CRPPA: variants seen among roughly 807,000 people sequenced by gnomAD.
CRPPA encodes CDP-L-ribitol pyrophosphorylase A.
Under a neutral mutation model 52.0 loss-of-function variants are expected in CRPPA, and 43 were observed. The ratio of observed to expected loss-of-function variants is 0.83; its 90% CI spans 0.65 to 1.07. CRPPA has a LOEUF of 1.07. CRPPA is among the 50% of genes least tolerant of loss of function. CRPPA has a pLI of 0.00. For missense variants in CRPPA, 629 were observed against 551.7 expected, an observed-to-expected ratio of 1.14 and a Z score of -1.40; for synonymous variants, 250 against 203.5, an observed-to-expected ratio of 1.23 and a Z score of -1.94.
chr7:16,170,861 C>T (rs1002914195), intron 9 of CRPPA, among the ~76,000 whole-genome samples: 5 of 152,188 alleles, frequency 3.3e-5, no homozygotes, highest in South Asian at 2.1e-4. Flanking sequence ...GCAGCCGCTC[C>T]GAGTGTGGGG....
chr7:16,139,424 A>G (rs1026710839), intron 9 of CRPPA, among the ~76,000 whole-genome samples: 1 of 152,190 alleles, frequency 6.6e-6, no homozygotes, highest in South Asian at 2.1e-4. Flanking sequence ...TAATTCTCAT[A>G]CACATTTTAT....
intron 3 of CRPPA, among the ~76,000 whole-genome samples, chr7:16,354,943 C>T (rs1017381659): frequency 6.6e-6 from 1 of 152,046 alleles, no homozygotes; most frequent in Non-Finnish European, 1.5e-5. Flanking sequence ...TAAAGGTAGA[C>T]AATATGCTAT....
chr7:16,295,023 G>A (rs1431910288), intron 5 of CRPPA, among the ~76,000 whole-genome samples: 2 of 152,040 alleles, frequency 1.3e-5, no homozygotes, highest in African/African-American at 4.8e-5. Flanking sequence ...CTCCAACACA[G>A]TATTCCTAGT....
At chr7:16,208,050 A>G (rs1782015691) in intron 9 of CRPPA, among the ~76,000 whole-genome samples, 1 of 152,176 alleles carries the variant, frequency 6.6e-6, no homozygotes, top group Non-Finnish European at 1.5e-5. Flanking sequence ...TACTGTATGC[A>G]TCTCAACTTT....
intron 3 of CRPPA, among the ~76,000 whole-genome samples, chr7:16,356,346 A>G (rs1391470025): frequency 6.6e-6 from 1 of 152,188 alleles, no homozygotes; most frequent in Non-Finnish European, 1.5e-5. Flanking sequence ...ATAAACTCAA[A>G]GCTGTCTGAT....
At chr7:16,286,038 A>AAAAAAAAAAAAAAAT (rs1784426837) in intron 5 of CRPPA, among the ~76,000 whole-genome samples, 1 of 17,504 alleles carries the variant, frequency 5.7e-5, no homozygotes, top group African/African-American at 3.8e-4. Context: ...AAAAAAAAAA[A>AAAAAAAAAAAAAAAT]ATATAAATAT....
intron 8 of CRPPA, among the ~76,000 whole-genome samples, chr7:16,217,308 CACCA>C (rs1782356719): frequency 6.6e-6 from 1 of 151,760 alleles, no homozygotes; most frequent in Non-Finnish European, 1.5e-5. Flanking sequence ...CATCATCAAA[CACCA>C]AAAGTAGATA....
rs191202356 is a variant in CRPPA, at chr7:16,134,473, G to C, written c.1252-42674C>G. ...CTGGTCCCTGGTGACAAAAAGGTTG[G>C]GGATTGCTGGCATACAAAATATGTA... is the stretch of plus-strand genomic sequence containing the variant. On this transcript the variant is annotated intron_variant, in intron 9 of 9. Transcript: ENST00000407010. Among the ~76,000 whole-genome samples the C allele has an allele frequency of 7.9e-5, 12 of 152,222 alleles. No homozygotes were observed. The East Asian group carries it at 2.3e-3, about 29-fold the overall frequency.
intron 5 of CRPPA, among the ~76,000 whole-genome samples, chr7:16,279,952 G>A (rs147482179): frequency 1.3e-5 from 2 of 152,326 alleles, no homozygotes; most frequent in African/African-American, 4.8e-5. Context: ...ATGGCAGAAG[G>A]TGAAAGGCAC....
chr7:16,288,845 C>CAAAAAA (rs71007760), intron 5 of CRPPA, among the ~76,000 whole-genome samples: 507 of 34,788 alleles, frequency 0.015, 38 homozygotes, highest in African/African-American at 0.034. Flanking sequence ...GACTCTGCCT[C>CAAAAAA]AAAAAAAAAA....
intron 9 of CRPPA, among the ~76,000 whole-genome samples, chr7:16,103,806 G>A (rs1464846955): frequency 1.3e-5 from 2 of 152,148 alleles, no homozygotes; most frequent in South Asian, 2.1e-4. Context: ...GGGATAGAAA[G>A]CTTATCCTAG....
chr7:16,109,085 A>C (rs1415542619), intron 9 of CRPPA, among the ~76,000 whole-genome samples: 2 of 151,910 alleles, frequency 1.3e-5, no homozygotes, highest in African/African-American at 4.8e-5. Flanking sequence ...TAAAGATAAG[A>C]GCAAAAGTAA....
chr7:16,371,605 A>G (rs1431305861), intron 3 of CRPPA, among the ~76,000 whole-genome samples: 2 of 152,108 alleles, frequency 1.3e-5, no homozygotes, highest in African/African-American at 4.8e-5. Flanking sequence ...GTCTACCCAA[A>G]TAAGAAAGAA....
chr7:16,299,734 A>G (rs2128422528), intron 5 of CRPPA, among the ~76,000 whole-genome samples: 1 of 152,342 alleles, frequency 6.6e-6, no homozygotes, highest in South Asian at 2.1e-4. Flanking sequence ...TTAAATACTT[A>G]AAAAATAAAA....
At chr7:16,212,127 G>A (rs1162712939) in intron 9 of CRPPA, among the ~76,000 whole-genome samples, 1 of 152,038 alleles carries the variant, frequency 6.6e-6, no homozygotes, top group Non-Finnish European at 1.5e-5. Context: ...TAGATCTGCA[G>A]TCGTAGGAAC....
intron 9 of CRPPA, among the ~76,000 whole-genome samples, chr7:16,116,686 G>GGGAAGGGAAGGGAAAGGAAA (rs1782381778): frequency 1.3e-5 from 2 of 149,062 alleles, no homozygotes; most frequent in Admixed American, 1.3e-4. Context: ...GGAAAGGAAA[G>GGGAAGGGAAGGGAAAGGAAA]GGAAGGGAAA....
chr7:16,376,061 A>C, intron 3 of CRPPA, 31 bp downstream of exon 3: 1 of 1,547,372 alleles, frequency 6.5e-7, no homozygotes, highest in Admixed American at 2.0e-5. Flanking sequence ...CTGACATAAC[A>C]GCAGCTTATT....
chr7:16,162,967 C>CTTTTT (rs759839656), intron 9 of CRPPA, among the ~76,000 whole-genome samples: 1 of 137,110 alleles, frequency 7.3e-6, no homozygotes, highest in Non-Finnish European at 1.6e-5. Context: ...TTTTCTTTTT[C>CTTTTT]TTTCTCTTTT....
In CRPPA at chr7:16,421,277, G is replaced by C; in HGVS notation, c.46C>G (p.Pro16Ala). The part of the protein sequence containing the change: ...PGSARPAEPG[P>A]CLSGQRGADH... ...GCGCCGCGCTGACCACTCAGGCAAG[G>C]ACCCGGCTCCGCCGGCCTGGCGCTG... Residue 16 changes from proline (P) to alanine (A), a missense_variant, in exon 1 of 10, where the codon CCT (proline) becomes GCT (alanine). Pro to Ala is a conservative substitution (Grantham distance 27). Coordinates refer to ENST00000407010, the MANE Select transcript of CRPPA (RefSeq NM_001101426.4). The C allele has an allele frequency of 1.6e-6, 2 of 1,283,856 alleles. No individual in the cohort carries two copies. The highest frequency in any genetic ancestry group is 5.6e-5 in the South Asian group (2 of 35,644). 79.5% of individuals were successfully genotyped at this position (1,283,856 alleles called of 1,614,324 possible).
Sources: allele counts gnomAD v4.1 joint callset (sites outside exome capture counted in the v4.1 genomes callset), GRCh38; gene constraint gnomAD v4.1.1; transcripts MANE v1.5; gene names NCBI Gene and HGNC (gene_info 2026-07-23, HGNC 2026-07-21).